Variants in GLIS2 observed in about 807,000 individuals in gnomAD.
GLIS2 encodes zinc finger protein GLIS2.
Under a neutral mutation model 35.6 loss-of-function variants are expected in GLIS2, and 14 were observed. The ratio of observed to expected loss-of-function variants is 0.39; its 90% confidence interval spans 0.26 to 0.61. The LOEUF (loss-of-function observed/expected upper bound fraction) is 0.61. Ranked by LOEUF, GLIS2 falls within the 20% of genes least tolerant of loss-of-function variation. GLIS2 has a pLI of 0.48. For synonymous variants in GLIS2, 368 were observed against 325.1 expected (o/e 1.13, Z -1.42); for missense variants, 675 against 713.4 (o/e 0.95, Z 0.61).
intron 1 of GLIS2, chr16:4,326,608 G>A (rs2053432744): frequency 6.6e-6 from 1 of 152,256 alleles, no homozygotes; most frequent in African/African-American, 2.4e-5. Context: ...GAAAGGAGGA[G>A]CTTTTTTTGT....
chr16:4,333,296 C>G (rs1326248992), intron 2 of GLIS2, 51 bp from the exon 3 acceptor site: 1 of 1,603,036 alleles, frequency 6.2e-7, no homozygotes, highest in Admixed American at 1.7e-5. Context: ...GAGTACCTGG[C>G]CCACTGGGAC....
At chr16:4,324,809 A>G (rs2053413120) in intron 1 of GLIS2, 2 of 152,274 alleles carry the variant, frequency 1.3e-5, no homozygotes, top group South Asian at 4.1e-4. Context: ...ATATAATCCC[A>G]TTTGGGATGA....
At chr16:4,315,318 A>C (rs1006507303), upstream of GLIS2, 5 of 151,992 alleles carry the variant, frequency 3.3e-5, no homozygotes, top group African/African-American at 1.2e-4. Flanking sequence ...GCCGCCCGGC[A>C]TCGGGATCCG....
chr16:4,321,750 G>A (rs920299473), intron 1 of GLIS2, among the ~76,000 whole-genome samples: 3 of 152,124 alleles, frequency 2.0e-5, no homozygotes, highest in Non-Finnish European at 2.9e-5. Flanking sequence ...GCTGCCCGGC[G>A]TCCCAGACAT....
At chr16:4,327,506 G>C (rs1040078614) in intron 1 of GLIS2, among the ~76,000 whole-genome samples, 52 of 152,226 alleles carry the variant, frequency 3.4e-4, no homozygotes, top group African/African-American at 1.2e-3. Flanking sequence ...GGGGACAGTG[G>C]CCGGCCCCGC....
chr16:4,328,429 T>A (rs1248486808), intron 1 of GLIS2: 1 of 152,538 alleles, frequency 6.6e-6, no homozygotes, highest in Non-Finnish European at 1.5e-5. Context: ...AAGGGGAGGC[T>A]TTAAGCCTGG....
At chr16:4,317,358 C>A (rs1233741613) in intron 1 of GLIS2, among the ~76,000 whole-genome samples, 2 of 152,184 alleles carry the variant, frequency 1.3e-5, no homozygotes, top group African/African-American at 4.8e-5. Flanking sequence ...TGGAGGCTGG[C>A]ACCCTGGGTA....
intron 1 of GLIS2, among the ~76,000 whole-genome samples, chr16:4,318,305 C>T (rs2053337370): frequency 6.6e-6 from 1 of 152,090 alleles, no homozygotes; most frequent in South Asian, 2.1e-4. Flanking sequence ...TCTATGAAAC[C>T]AAGGGGTCAG....
intron 6 of GLIS2, 36 bp from the exon 7 acceptor site, chr16:4,336,689 C>T: frequency 6.4e-7 from 1 of 1,559,432 alleles, no homozygotes; most frequent in Non-Finnish European, 8.7e-7. Flanking sequence ...AGGGGAGAGA[C>T]CCCTCATGGC....
chr16:4,317,590 C>T (rs1484070649), intron 1 of GLIS2, among the ~76,000 whole-genome samples: 2 of 152,148 alleles, frequency 1.3e-5, no homozygotes, highest in African/African-American at 2.4e-5. Flanking sequence ...CGGGTGACCT[C>T]GGACCTCCCC....
At chr16:4,327,791 C>G (rs1439934377) in intron 1 of GLIS2, among the ~76,000 whole-genome samples, 1 of 151,594 alleles carries the variant, frequency 6.6e-6, no homozygotes, top group South Asian at 2.1e-4. Flanking sequence ...CTTCCTCCCT[C>G]GCCGCAGCCG....
At chr16:4,316,664 G>C (rs889164267) in intron 1 of GLIS2, among the ~76,000 whole-genome samples, 2 of 152,072 alleles carry the variant, frequency 1.3e-5, no homozygotes, top group African/African-American at 4.8e-5. Context: ...CCTCTCGGCC[G>C]CGCCGGGGCT....
Position 4,337,806 on chromosome 16 carries a change from T to G in GLIS2, c.*282T>G. On this transcript the variant is annotated 3_prime_UTR_variant, in exon 7 of 7. Coordinates refer to ENST00000433375, the MANE Select transcript of GLIS2 (RefSeq NM_032575.3). The stretch of plus-strand genomic sequence containing the variant: ...CCTCAGCTTCTGAGAGGCTTTCCCC[T>G]GCCCGACCTCCTCCCGTTTCCCTCT... 2 of 562,576 alleles carry G rather than the reference T, an allele frequency of 3.6e-6. No homozygotes were observed. The highest frequency in any genetic ancestry group is 6.4e-6 in the Non-Finnish European group (2 of 312,182). 34.8% of individuals were successfully genotyped at this position (562,576 alleles called of 1,614,324 possible). A position where few individuals can be genotyped will look rare whatever the true frequency, so the allele number is the denominator to read the frequency against.
intron 3 of GLIS2, among the ~76,000 whole-genome samples, 174 bp downstream of exon 3, chr16:4,333,693 C>A (rs2053521109): frequency 6.6e-6 from 1 of 152,218 alleles, no homozygotes; most frequent in Non-Finnish European, 1.5e-5. Context: ...CTCTCTCCTG[C>A]CTTCTGGCAG....
intron 1 of GLIS2, among the ~76,000 whole-genome samples, chr16:4,317,917 C>G (rs1478595234): frequency 1.3e-5 from 2 of 152,192 alleles, no homozygotes; most frequent in Non-Finnish European, 2.9e-5. Context: ...CCTGCCCGCC[C>G]TTCCCTGTCT....
Position 4,332,213 on chromosome 16 carries a change from AG to A in GLIS2, c.-66del. 6.4e-7 allele frequency: 1 copy of A among 1,564,194 alleles called. No individual in the cohort carries two copies. The highest frequency in any genetic ancestry group is 8.7e-7 in the Non-Finnish European group (1 of 1,151,698). ...CACAGCACAGCTCCTGTCCTTCCCC[AG>A]GTTCCTGCGTGAAGACCAGCTGGGA... On this transcript the variant is annotated splice_acceptor_variant, in intron 1 of 6. Transcript: ENST00000433375. LOFTEE classifies it low-confidence loss of function (5UTR_SPLICE). The surrounding 1 kb of genome is among the most constrained non-coding windows in gnomAD (Gnocchi z 5.4).
At position 4,337,905 on chromosome 16, in the gene GLIS2, G is replaced by T. The variant is rs1010866574; in HGVS notation, c.*381G>T. The T allele has an allele frequency of 7.7e-6, 3 of 391,132 alleles. No individual in the cohort carries two copies. Among genetic ancestry groups the T allele is most frequent in the Non-Finnish European group, 1.4e-5 (3 of 208,450 alleles). The allele number at this position is 391,132 out of a possible 1,614,324, so 24.2% of individuals were successfully genotyped here. On this transcript the variant is annotated 3_prime_UTR_variant, in exon 7 of 7. Coordinates refer to ENST00000433375, the MANE Select transcript of GLIS2 (RefSeq NM_032575.3). ...CTCTCCCAGCAGAGGGGGTGGGTGG[G>T]GTGGCATCTGCCCTCCCTGCTAGCA...
Position 4,336,987 on chromosome 16 carries a change from C to G in GLIS2, c.1038C>G (p.Pro346=), listed in dbSNP as rs551177412. 6.8e-6 allele frequency: 11 copies of G among 1,608,686 alleles called. No individual in the cohort carries two copies. In the African/African-American group the frequency reaches 1.3e-4, roughly 20 times the overall value. The change falls in exon 7 of 7, where the codon CCC becomes CCG. Residue 346 remains proline (P), a synonymous_variant. Transcript: ENST00000433375. The part of the protein sequence containing the change: ...KPPLPAPDGG[P]YVSGAQIIIP... ...CACTGCCCGCCCCCGACGGCGGCCCCTATGTCAGTGGGGCCCAGATCATCA... is the reference window on the plus strand; with the variant it reads ...CACTGCCCGCCCCCGACGGCGGCCCGTATGTCAGTGGGGCCCAGATCATCA...
chr16:4,327,148 C>T (rs113512223), intron 1 of GLIS2, among the ~76,000 whole-genome samples: 5,385 of 152,294 alleles, frequency 0.035, 118 homozygotes, highest in Admixed American at 0.087. Flanking sequence ...CCTGCCTCGG[C>T]CTCCCAATGT....
Sources: gnomAD v4.1 joint callset for allele counts (sites outside exome capture counted in the v4.1 genomes callset) on GRCh38, gnomAD v4.1.1 for gene constraint, Gnocchi (gnomAD v3.1) non-coding constraint, MANE v1.5 for transcripts, NCBI Gene and HGNC (gene_info 2026-07-23, HGNC 2026-07-21) for gene names.